SPIDR: variants seen among roughly 807,000 people sequenced by gnomAD.
The protein encoded by SPIDR is DNA repair-scaffolding protein.
SPIDR carries 93 observed loss-of-function variants against 104.6 expected under a neutral mutation model. That is an observed-to-expected ratio of 0.89 (90% CI 0.75 to 1.06). The LOEUF (loss-of-function observed/expected upper bound fraction) is 1.06. Ranked by LOEUF, SPIDR falls within the 50% of genes least tolerant of loss-of-function variation. SPIDR has a pLI of 0.00. For synonymous variants in SPIDR, 431 were observed against 416.9 expected, an observed-to-expected ratio of 1.03 and a Z score of -0.41; for missense variants, 1,154 against 1,111.2, an observed-to-expected ratio of 1.04 and a Z score of -0.55.
chr8:47,467,622 C>T (rs1018380924), intron 8 of SPIDR, among the ~76,000 whole-genome samples: 3 of 152,136 alleles, frequency 2.0e-5, no homozygotes, highest in Admixed American at 6.5e-5. Context: ...ACATGATTAT[C>T]TCAATAGATG....
At chr8:47,383,423 A>G (rs1251797435) in intron 5 of SPIDR, among the ~76,000 whole-genome samples, 3 of 152,194 alleles carry the variant, frequency 2.0e-5, no homozygotes, top group Non-Finnish European at 2.9e-5. Flanking sequence ...TATTAAAGTA[A>G]TGGGCCGGAA....
intron 10 of SPIDR, among the ~76,000 whole-genome samples, chr8:47,647,655 G>GAGA (rs1299640663): frequency 1.7e-3 from 84 of 50,150 alleles, no homozygotes; most frequent in Middle Eastern, 0.014. Context: ...AGAGAGAGAG[G>GAGA]GAGAGAGAGA....
chr8:47,531,311 A>G (rs528665050), intron 8 of SPIDR, among the ~76,000 whole-genome samples: 55 of 152,278 alleles, frequency 3.6e-4, no homozygotes, highest in Non-Finnish European at 6.0e-4. Flanking sequence ...AACTTGTCCC[A>G]CTGGCTGGCC....
chr8:47,294,121 C>G, intron 5 of SPIDR, 91 bp downstream of exon 5: 1 of 1,491,504 alleles, frequency 6.7e-7, no homozygotes, highest in Non-Finnish European at 9.0e-7. Flanking sequence ...TTTTCCTGTC[C>G]TTCCTCGAGA....
At chr8:47,311,659 A>T (rs1157242042) in intron 5 of SPIDR, among the ~76,000 whole-genome samples, 1 of 152,160 alleles carries the variant, frequency 6.6e-6, no homozygotes, top group African/African-American at 2.4e-5. Flanking sequence ...CTCTACAAAA[A>T]GAAAAAAATC....
intron 10 of SPIDR, chr8:47,660,394 A>G: frequency 1.1e-6 from 1 of 923,736 alleles, no homozygotes; most frequent in Non-Finnish European, 1.3e-6. Context: ...GCACTGTGGA[A>G]TGTGGTTTCA....
intron 8 of SPIDR, among the ~76,000 whole-genome samples, chr8:47,470,431 G>A (rs1356759947): frequency 1.3e-5 from 2 of 151,932 alleles, no homozygotes; most frequent in Non-Finnish European, 2.9e-5. Context: ...TGGAATTACA[G>A]GCGCCCACCA....
At chr8:47,356,374 C>G (rs2054550303) in intron 5 of SPIDR, among the ~76,000 whole-genome samples, 1 of 152,100 alleles carries the variant, frequency 6.6e-6, no homozygotes, top group African/African-American at 2.4e-5. Flanking sequence ...AGTGAAGGCC[C>G]CCTCAGAGTG....
At chr8:47,275,966 C>T (rs1369945222) in intron 1 of SPIDR, among the ~76,000 whole-genome samples, 5 of 152,326 alleles carry the variant, frequency 3.3e-5, no homozygotes, top group African/African-American at 1.2e-4. Context: ...AAGCAATCCT[C>T]TTGCCTCAGA....
At chr8:47,714,261 G>T (rs1456159100) in intron 16 of SPIDR, among the ~76,000 whole-genome samples, 1 of 152,134 alleles carries the variant, frequency 6.6e-6, no homozygotes, top group East Asian at 1.9e-4. Flanking sequence ...AGGGAAATCG[G>T]CAGGTTGAGC....
intron 5 of SPIDR, among the ~76,000 whole-genome samples, chr8:47,320,012 A>C (rs552933192): frequency 2.6e-5 from 4 of 151,960 alleles, no homozygotes; most frequent in Non-Finnish European, 4.4e-5. Context: ...TCTAAAATTG[A>C]CACCCTAACA....
At chr8:47,365,933 A>G (rs74904538) in intron 5 of SPIDR, among the ~76,000 whole-genome samples, 1 of 152,290 alleles carries the variant, frequency 6.6e-6, no homozygotes, top group East Asian at 1.9e-4. Context: ...CATAAATGCT[A>G]TGGGATAAGA....
chr8:47,296,775 A>G (rs2040920343), intron 5 of SPIDR, among the ~76,000 whole-genome samples: 1 of 152,162 alleles, frequency 6.6e-6, no homozygotes. Context: ...TTATTCTGTG[A>G]AGAATGACAT....
intron 10 of SPIDR, among the ~76,000 whole-genome samples, chr8:47,623,027 T>A (rs895892491): frequency 2.0e-5 from 3 of 152,122 alleles, no homozygotes; most frequent in Non-Finnish European, 4.4e-5. Context: ...GAGATGAAGA[T>A]GAGAGAAATT....
intron 5 of SPIDR, among the ~76,000 whole-genome samples, chr8:47,307,703 T>C (rs1445370005): frequency 6.6e-6 from 1 of 151,618 alleles, no homozygotes; most frequent in African/African-American, 2.4e-5. Flanking sequence ...CATGCCCGGC[T>C]AATTTTTGTA....
chr8:47,609,924 A>G (rs2063408063), intron 10 of SPIDR, among the ~76,000 whole-genome samples: 1 of 152,232 alleles, frequency 6.6e-6, no homozygotes, highest in African/African-American at 2.4e-5. Context: ...GAATGGCAAC[A>G]GCCTGGGGAT....
chr8:47,427,542 G>A (rs971767195), intron 7 of SPIDR, among the ~76,000 whole-genome samples: 26 of 151,922 alleles, frequency 1.7e-4, no homozygotes, highest in South Asian at 6.2e-4. Context: ...CTTTTTCCTT[G>A]GACAAGATTA....
At chr8:47,726,077 G>T (rs1042297875) in intron 16 of SPIDR, among the ~76,000 whole-genome samples, 1 of 152,344 alleles carries the variant, frequency 6.6e-6, no homozygotes, top group Middle Eastern at 3.4e-3. Flanking sequence ...CTCCTCATGT[G>T]CCTGCCCATT....
At chr8:47,625,721 C>T (rs1293232141) in intron 10 of SPIDR, among the ~76,000 whole-genome samples, 1 of 152,004 alleles carries the variant, frequency 6.6e-6, no homozygotes, top group African/African-American at 2.4e-5. Context: ...CAAACCACTG[C>T]TCAATGAAAT....
Sources: allele counts gnomAD v4.1 joint callset (sites outside exome capture counted in the v4.1 genomes callset), GRCh38; gene constraint gnomAD v4.1.1; transcripts MANE v1.5; gene names NCBI Gene and HGNC (gene_info 2026-07-23, HGNC 2026-07-21).